The following MASP2 variants were observed in gnomAD, a reference collection of about 807,000 sequenced individuals.
MASP2 encodes MBL associated serine protease 2.
A neutral mutation model predicts 57.1 loss-of-function variants in MASP2; 49 were observed. That is an observed-to-expected ratio of 0.86 (90% confidence interval 0.68 to 1.09). MASP2 has a LOEUF of 1.09. Among genes scored for constraint, MASP2 ranks in the 50% least tolerant of loss-of-function variants. The pLI is 0.00. For synonymous variants in MASP2, 379 were observed against 340.8 expected (o/e 1.11, Z -1.24); for missense variants, 900 against 874.8 (o/e 1.03, Z -0.36).
At chr1:11,036,881 G>A (rs1328924113) in intron 7 of MASP2, among the ~76,000 whole-genome samples, 2 of 151,900 alleles carry the variant, frequency 1.3e-5, no homozygotes, top group Non-Finnish European at 2.9e-5. Context: ...CTACTTTTTT[G>A]TGGGCCCAGG....
intron 6 of MASP2, among the ~76,000 whole-genome samples, chr1:11,041,645 G>A (rs372028166): frequency 1.0e-5 from 1 of 96,232 alleles, no homozygotes. Context: ...ATGGAATGAT[G>A]GGTAGGTAGA....
At chr1:11,030,478 A>C (rs1041362839) in intron 9 of MASP2, 1 of 581,446 alleles carries the variant, frequency 1.7e-6, no homozygotes, top group Non-Finnish European at 3.0e-6. Flanking sequence ...CAAGATCTCA[A>C]GTGCTTAATG....
At position 11,047,013 on chromosome 1, in the gene MASP2, C is replaced by G. The variant is rs750538218; in HGVS notation, c.112G>C (p.Glu38Gln). 29 of 1,552,924 alleles carry G rather than the reference C, an allele frequency of 1.9e-5. No individual in the cohort carries two copies. The highest frequency in any genetic ancestry group is 2.4e-5 in the Non-Finnish European group (28 of 1,147,868). ...GRLASPGFPG[E>Q]YANDQERRWT... ...CGCCGCTCCTGGTCATTGGCATACT[C>G]CCCTGGAAAGCCGGGGGATGCCAGG... Residue 38 changes from glutamate (E) to glutamine (Q), a missense_variant, in exon 2 of 11, where the codon GAG (glutamate) becomes CAG (glutamine). Coordinates refer to ENST00000400897, the MANE Select transcript of MASP2 (RefSeq NM_006610.4).
At chr1:11,030,432 G>C (rs916996245) in intron 9 of MASP2, 182 bp from the exon 10 acceptor site, 2 of 594,292 alleles carry the variant, frequency 3.4e-6, no homozygotes, top group African/African-American at 3.7e-5. Flanking sequence ...TGCTTGCAAA[G>C]TGGAAACCTT....
rs767249963 is a variant in MASP2 at position 11,047,043 on chromosome 1, C to T, written c.82G>A (p.Gly28Arg). 109 of 1,551,004 alleles carry T rather than the reference C, an allele frequency of 7.0e-5. 1 individual carries two copies. In the South Asian group the frequency reaches 1.0e-3, roughly 14 times the overall value. ...LGPKWPEPVFGRLASPGFPGE... is the reference protein window; with the variant it reads ...LGPKWPEPVFRRLASPGFPGE... Reference sequence around the variant, plus strand: ...GGAAAGCCGGGGGATGCCAGGCGCCCGAACACAGGTTCAGGCCACTTCGGG... The same window carrying T: ...GGAAAGCCGGGGGATGCCAGGCGCCTGAACACAGGTTCAGGCCACTTCGGG... The change falls in exon 2 of 11, where the codon GGG becomes AGG. Residue 28 changes from glycine (G) to arginine (R), a missense_variant. Gly to Arg is a moderately radical substitution (Grantham distance 125). Transcript: ENST00000400897.
At position 11,027,028 on chromosome 1, in the gene MASP2, GA is replaced by G; in HGVS notation, c.1917del (p.Leu640Ter). On this transcript the variant is annotated frameshift_variant, in exon 11 of 11. Transcript: ENST00000400897. LOFTEE classifies it high-confidence loss of function. ...AACCACCTCTCTGTTTCACTATCTAGAAACACCAGTGCCCCTCCGCTGTCAC... is the reference window on the plus strand; with the variant it reads ...AACCACCTCTCTGTTTCACTATCTAGAACACCAGTGCCCCTCCGCTGTCAC... The part of the protein sequence containing the change: ...CRGDSGGALV[F>X]LDSETERWFV... 6.3e-7 allele frequency: 1 copy of G among 1,597,772 alleles called. No homozygotes were observed. The highest frequency in any genetic ancestry group is 8.5e-7 in the Non-Finnish European group (1 of 1,172,418).
At chr1:11,036,545 A>AAAAAAG (rs1557670977) in intron 7 of MASP2, among the ~76,000 whole-genome samples, 2 of 148,590 alleles carry the variant, frequency 1.3e-5, no homozygotes, top group African/African-American at 4.9e-5. Flanking sequence ...AAACAAAAAA[A>AAAAAAG]AAAGAAACTA....
intron 6 of MASP2, 51 bp from the exon 7 acceptor site, chr1:11,037,862 A>T: frequency 9.4e-7 from 1 of 1,058,248 alleles, no homozygotes; most frequent in Non-Finnish European, 1.4e-6. Context: ...TACAGCAGCC[A>T]AGACTGAATC....
chr1:11,037,615 T>C, intron 7 of MASP2, 78 bp downstream of exon 7: 1 of 851,326 alleles, frequency 1.2e-6, no homozygotes, highest in Admixed American at 2.7e-5. Flanking sequence ...CACTTTCCTT[T>C]CACATATCTG....
At chr1:11,035,034 CAT>C (rs1304636039) in intron 7 of MASP2, 128 bp from the exon 8 acceptor site, 17 of 624,374 alleles carry the variant, frequency 2.7e-5, no homozygotes, top group Non-Finnish European at 4.5e-5. Flanking sequence ...TGGCAGCACA[CAT>C]GACTAGTATC....
intron 8 of MASP2, among the ~76,000 whole-genome samples, chr1:11,031,189 G>C (rs1643837859): frequency 6.6e-6 from 1 of 151,942 alleles, no homozygotes; most frequent in Admixed American, 6.6e-5. Context: ...AAGGGAATTT[G>C]AAACCACCCA....
chr1:11,031,879 C>T (rs1362444623), intron 8 of MASP2, among the ~76,000 whole-genome samples: 1 of 152,108 alleles, frequency 6.6e-6, no homozygotes, highest in Non-Finnish European at 1.5e-5. Flanking sequence ...CACCACTGCA[C>T]TACCGCCTGG....
At chr1:11,035,036 T>G (rs1314126728) in intron 7 of MASP2, 130 bp from the exon 8 acceptor site, 1 of 613,550 alleles carries the variant, frequency 1.6e-6, no homozygotes, top group Admixed American at 3.1e-5. Flanking sequence ...GCAGCACACA[T>G]GACTAGTATC....
intron 9 of MASP2, chr1:11,030,500 A>G: frequency 1.7e-6 from 1 of 576,950 alleles, no homozygotes; most frequent in East Asian, 2.9e-5. Flanking sequence ...TAAGGTGTTG[A>G]CTTGTTAAAT....
chr1:11,045,989 T>C (rs997544959), intron 3 of MASP2: 2 of 200,374 alleles, frequency 1.0e-5, no homozygotes, highest in Non-Finnish European at 2.0e-5. Flanking sequence ...CAGCTGTAAA[T>C]GGGGCCCTCG....
Position 11,042,910 on chromosome 1 carries a change from T to A in MASP2, c.854A>T (p.Asp285Val). 6.2e-7 allele frequency: 1 copy of A among 1,613,970 alleles called. No homozygotes were observed. ...TITFVTDESG[D>V]HTGWKIHYTS... The stretch of plus-strand genomic sequence containing the variant: ...GTAGTGGATCTTCCAGCCTGTGTGG[T>A]CTCCTGATTCATCTGTGACAAAGGT... The change falls in exon 6 of 11, where the codon GAC becomes GTC. Residue 285 changes from aspartate (D) to valine (V), a missense_variant. Asp to Val is a radical substitution (Grantham distance 152). Transcript: ENST00000400897.
rs761274634 is a variant in MASP2 at position 11,026,757 on chromosome 1, CTG to C, written c.*126_*127del. ...AAATGACAGCAGCCTCACCTGGAGT[CTG>C]TTTTTTTGGGTGGAGCAACAACTGC... On this transcript the variant is annotated 3_prime_UTR_variant, in exon 11 of 11. Transcript: ENST00000400897. The C allele has an allele frequency of 2.9e-6, 2 of 700,774 alleles. No individual in the cohort carries two copies. Among genetic ancestry groups the C allele is most frequent in the African/African-American group, 1.9e-5 (1 of 53,332 alleles). The allele number at this position is 700,774 out of a possible 1,614,324, so 43.4% of individuals were successfully genotyped here.
chr1:11,026,932 CTT>C lies in MASP2; in HGVS notation c.2012_2013del (p.Lys671SerfsTer3), dbSNP rs775338836. ...TCGATCCAGGGAATATAGTTAATAA[CTT>C]TTGTGTAGACTCCATACTGACCTGC... ...GEAGQYGVYT[K>X]VINYIPWIEN... On this transcript the variant is annotated frameshift_variant, in exon 11 of 11. Transcript: ENST00000400897. LOFTEE classifies it high-confidence loss of function. 3.0e-5 allele frequency: 46 copies of C among 1,512,170 alleles called. No homozygotes were observed. The African/African-American group carries it at 5.6e-4, about 18-fold the overall frequency. 93.7% of individuals were successfully genotyped at this position (1,512,170 alleles called of 1,614,324 possible).
In MASP2 at chr1:11,030,214, C is replaced by A; in HGVS notation, c.1259G>T (p.Ser420Ile). The change falls in exon 10 of 11, where the codon AGC becomes ATC. Residue 420 changes from serine to isoleucine, a missense_variant. Coordinates refer to ENST00000400897, the MANE Select transcript of MASP2 (RefSeq NM_006610.4). ...TGGGAGTGATTTTTCTCCTTTGGAG[C>A]TCGTCCAGAATCCATCAGCCTCACA... Reference protein sequence around the residue: ...YVCEADGFWTSSKGEKSLPVC... With the variant: ...YVCEADGFWTISKGEKSLPVC... 1 of 1,613,586 alleles carries A rather than the reference C, an allele frequency of 6.2e-7. No homozygotes were observed. The highest frequency in any genetic ancestry group is 8.5e-7 in the Non-Finnish European group (1 of 1,179,838).
Sources: gnomAD v4.1 joint callset for allele counts (sites outside exome capture counted in the v4.1 genomes callset) on GRCh38, gnomAD v4.1.1 for gene constraint, MANE v1.5 for transcripts, NCBI Gene and HGNC (gene_info 2026-07-23, HGNC 2026-07-21) for gene names.